The following POMGNT2 variants were observed in gnomAD, a reference collection of about 807,000 sequenced individuals.
The protein encoded by POMGNT2 is protein O-linked mannose N-acetylglucosaminyltransferase 2 (beta 1,4-).
A neutral mutation model predicts 37.8 loss-of-function variants in POMGNT2; 32 were observed. That is an observed-to-expected ratio of 0.85 (90% CI 0.64 to 1.14). The LOEUF is 1.14. POMGNT2 is among the 50% of genes most tolerant of loss of function. POMGNT2 has a pLI of 0.00. For missense variants in POMGNT2, 705 were observed against 780.6 expected (o/e 0.90, Z 1.15); for synonymous variants, 340 against 336.8 (o/e 1.01, Z -0.10).
chr3:43,104,621 T>C (rs556909214), intron 1 of POMGNT2, among the ~76,000 whole-genome samples: 2 of 152,318 alleles, frequency 1.3e-5, no homozygotes, highest in South Asian at 4.1e-4. Flanking sequence ...CTGAGATTCC[T>C]CAAAATTAAT....
chr3:43,080,577 G>A lies in POMGNT2; in HGVS notation c.855C>T (p.Gly285=), dbSNP rs763778888. ...LNVSHTGVPL[G]EEYILVFSRT... ...GGCTAAAGACCAGAATGTACTCCTCGCCTAGGGGGACTCCTGTGTGGCTCA... is the reference window on the plus strand; with the variant it reads ...GGCTAAAGACCAGAATGTACTCCTCACCTAGGGGGACTCCTGTGTGGCTCA... The change falls in exon 2 of 2, where the codon GGC becomes GGT. Residue 285 remains glycine, a synonymous_variant. Transcript: ENST00000344697. 1.4e-5 allele frequency: 22 copies of A among 1,614,078 alleles called. No individual in the cohort carries two copies. Among genetic ancestry groups the A allele is most frequent in the African/African-American group, 4.0e-5 (3 of 74,920 alleles).
chr3:43,088,735 C>T (rs1192602099), intron 1 of POMGNT2, among the ~76,000 whole-genome samples: 2 of 152,348 alleles, frequency 1.3e-5, no homozygotes, highest in East Asian at 3.9e-4. Context: ...CATCTGCTGA[C>T]CATGCGGAAA....
chr3:43,104,179 C>T (rs4683355), intron 1 of POMGNT2, among the ~76,000 whole-genome samples: 64,521 of 152,010 alleles, frequency 0.42, 14,551 homozygotes, highest in East Asian at 0.62. Context: ...AAAACCAAGA[C>T]GGACTCCAAA....
At chr3:43,083,915 C>A (rs2125702753) in intron 1 of POMGNT2, among the ~76,000 whole-genome samples, 1 of 152,282 alleles carries the variant, frequency 6.6e-6, no homozygotes, top group South Asian at 2.1e-4. Flanking sequence ...AACTTCCTGG[C>A]AACAAATTCT....
chr3:43,093,612 C>T (rs2089959551), intron 1 of POMGNT2, among the ~76,000 whole-genome samples: 1 of 152,148 alleles, frequency 6.6e-6, no homozygotes, highest in Non-Finnish European at 1.5e-5. Flanking sequence ...CTGGGGATTT[C>T]TACCAACTTT....
At chr3:43,093,234 G>C (rs950581366) in intron 1 of POMGNT2, among the ~76,000 whole-genome samples, 1 of 152,252 alleles carries the variant, frequency 6.6e-6, no homozygotes, top group Admixed American at 6.5e-5. Flanking sequence ...CAGGGCCTTA[G>C]GGCAAAGCTC....
chr3:43,081,311 G>C lies in POMGNT2; in HGVS notation c.121C>G (p.Gln41Glu). 1 of 1,612,152 alleles carries C rather than the reference G, an allele frequency of 6.2e-7. No homozygotes were observed. The highest frequency in any genetic ancestry group is 8.5e-7 in the Non-Finnish European group (1 of 1,179,998). Residue 41 changes from glutamine (Q) to glutamate (E), a missense_variant, in exon 2 of 2, where the codon CAG (glutamine) becomes GAG (glutamate). Coordinates refer to ENST00000344697, the MANE Select transcript of POMGNT2 (RefSeq NM_032806.6). ...TLEEELALSR[Q>E]ATEPAPALRI... ...AGTGCTGGGGCTGGCTCTGTGGCCT[G>C]TCGGCTGAGGGCCAGCTCCTCCTCC...
intron 1 of POMGNT2, among the ~76,000 whole-genome samples, chr3:43,095,320 C>A (rs1041377910): frequency 6.6e-6 from 1 of 152,286 alleles, no homozygotes; most frequent in East Asian, 1.9e-4. Context: ...TTAGGATGTG[C>A]GGGTGGGCAT....
chr3:43,090,101 C>T (rs542993448), intron 1 of POMGNT2, among the ~76,000 whole-genome samples: 1 of 152,204 alleles, frequency 6.6e-6, no homozygotes, highest in African/African-American at 2.4e-5. Context: ...TCTAATTAAA[C>T]TCAGTGTTTC....
At chr3:43,089,095 T>C (rs183211728) in intron 1 of POMGNT2, among the ~76,000 whole-genome samples, 200 of 152,304 alleles carry the variant, frequency 1.3e-3, no homozygotes, top group Non-Finnish European at 2.4e-3. Flanking sequence ...AGAAACCTTT[T>C]CATGAGACAT....
intron 1 of POMGNT2, among the ~76,000 whole-genome samples, chr3:43,095,595 C>T (rs1251299609): frequency 4.6e-5 from 7 of 152,212 alleles, no homozygotes; most frequent in Admixed American, 4.6e-4. Flanking sequence ...AAGCGTTCCT[C>T]TATGTACTAG....
At chr3:43,102,584 T>C (rs774436389) in intron 1 of POMGNT2, among the ~76,000 whole-genome samples, 13 of 152,388 alleles carry the variant, frequency 8.5e-5, no homozygotes, top group Middle Eastern at 3.4e-3. Flanking sequence ...GCACCTACTA[T>C]GCGAGAGGCG....
chr3:43,096,117 G>A (rs2089978272), intron 1 of POMGNT2, among the ~76,000 whole-genome samples: 1 of 152,100 alleles, frequency 6.6e-6, no homozygotes. Flanking sequence ...GAAAAGCGGA[G>A]GTAATCAAAC....
Position 43,080,671 on chromosome 3 carries a change from T to G in POMGNT2, c.761A>C (p.Lys254Thr). The G allele has an allele frequency of 6.2e-7, 1 of 1,614,200 alleles. No homozygotes were observed. The highest frequency in any genetic ancestry group is 8.5e-7 in the Non-Finnish European group (1 of 1,180,028). Residue 254 changes from lysine (K) to threonine (T), a missense_variant, in exon 2 of 2, where the codon AAG becomes ACG. Coordinates refer to ENST00000344697, the MANE Select transcript of POMGNT2 (RefSeq NM_032806.6). ...QYGFVQPQGP[K>T]ANILVSGNEI... ...ATTGCCTGAGACGAGGATGTTGGCC[T>G]TCGGGCCCTGGGGCTGCACAAAGCC...
Position 43,097,683 on chromosome 3 carries a change from A to T in POMGNT2, c.-106+8153T>A, listed in dbSNP as rs117325137. On this transcript the variant is annotated intron_variant, in intron 1 of 1. Coordinates refer to ENST00000344697, the MANE Select transcript of POMGNT2 (RefSeq NM_032806.6). ...CTCTAAACACAATCACAGGGGGGTT[A>T]GATCTTCAACATATAAATGGGGGGA... is the stretch of plus-strand genomic sequence containing the variant. 1.9e-4 allele frequency among the ~76,000 whole-genome samples: 29 copies of T among 152,312 alleles called. No individual in the cohort carries two copies. In the East Asian group the frequency reaches 5.2e-3, roughly 27 times the overall value.
intron 1 of POMGNT2, among the ~76,000 whole-genome samples, chr3:43,092,370 T>C (rs1305374285): frequency 1.3e-5 from 2 of 152,232 alleles, no homozygotes; most frequent in African/African-American, 4.8e-5. Context: ...TGATACCAGC[T>C]CACTGCAACC....
At chr3:43,083,234 C>T (rs935085190) in intron 1 of POMGNT2, among the ~76,000 whole-genome samples, 1 of 151,788 alleles carries the variant, frequency 6.6e-6, no homozygotes, top group African/African-American at 2.4e-5. Context: ...TTAACAACAA[C>T]AGAAACAAAA....
chr3:43,085,786 A>G (rs2089893625), intron 1 of POMGNT2, among the ~76,000 whole-genome samples: 1 of 152,144 alleles, frequency 6.6e-6, no homozygotes, highest in Admixed American at 6.5e-5. Flanking sequence ...GTTTTGCTAA[A>G]CTGTTCCTTC....
At chr3:43,089,188 A>C (rs1467308711) in intron 1 of POMGNT2, among the ~76,000 whole-genome samples, 6 of 152,218 alleles carry the variant, frequency 3.9e-5, no homozygotes. Context: ...AGGCCACCAA[A>C]GTGTCACAGC....
Sources: allele counts gnomAD v4.1 joint callset (sites outside exome capture counted in the v4.1 genomes callset), GRCh38; gene constraint gnomAD v4.1.1; transcripts MANE v1.5; gene names NCBI Gene and HGNC (gene_info 2026-07-23, HGNC 2026-07-21).